NFIB: variants seen among roughly 807,000 people sequenced by gnomAD.
NFIB encodes nuclear factor 1 B-type.
Under a neutral mutation model 61.5 loss-of-function variants are expected in NFIB, and 11 were observed. The observed-to-expected ratio is 0.18, with a 90% CI of 0.11 to 0.30. The LOEUF (loss-of-function observed/expected upper bound fraction) is 0.30, where lower values mean the gene tolerates loss of function less well. Among genes scored for constraint, NFIB ranks in the 10% least tolerant of loss-of-function variants. NFIB has a pLI of 1.00. For missense variants in NFIB, 471 were observed against 608.9 expected, an observed-to-expected ratio of 0.77 and a Z score of 2.38; for synonymous variants, 260 against 216.5, an observed-to-expected ratio of 1.20 and a Z score of -1.76.
rs1463076776 is a variant in NFIB at position 14,087,919 on chromosome 9, G to C, written c.*390C>G. 1.2e-5 allele frequency: 3 copies of C among 244,288 alleles called. No homozygotes were observed. The highest frequency in any genetic ancestry group is 1.1e-4 in the Admixed American group (2 of 18,616). The allele number at this position is 244,288 out of a possible 1,614,324, so 15.1% of individuals were successfully genotyped here. On this transcript the variant is annotated 3_prime_UTR_variant, in exon 11 of 11. Coordinates refer to ENST00000380953, the MANE Select transcript of NFIB (RefSeq NM_001190737.2). ...GTCAGTTAAAATATATTGTCATAGAGACAGAACATCTATTTCCCAGCGGAC... is the reference window on the plus strand; with the variant it reads ...GTCAGTTAAAATATATTGTCATAGACACAGAACATCTATTTCCCAGCGGAC...
the NFIB span, among the ~76,000 whole-genome samples, chr9:14,516,492 T>C: frequency 1.8e-4 from 27 of 152,318 alleles, no homozygotes; most frequent in Non-Finnish European, 3.8e-4. Flanking sequence ...CTTGGTTCTT[T>C]CTGAAAAATT....
At chr9:14,456,075 A>T in the NFIB span, among the ~76,000 whole-genome samples, 1 of 152,306 alleles carries the variant, frequency 6.6e-6, no homozygotes, top group East Asian at 1.9e-4. Context: ...TTCCAAATGG[A>T]TCAAAGCATT....
At chr9:14,126,998 G>T (rs917624025) in intron 6 of NFIB, among the ~76,000 whole-genome samples, 2 of 152,160 alleles carry the variant, frequency 1.3e-5, no homozygotes, top group Admixed American at 6.5e-5. Context: ...GAATTGCAAA[G>T]GTGCTGTGAT....
chr9:14,207,191 G>A (rs1377850129), intron 2 of NFIB, among the ~76,000 whole-genome samples: 1 of 152,004 alleles, frequency 6.6e-6, no homozygotes, highest in African/African-American at 2.4e-5. Flanking sequence ...ACTAATAACT[G>A]AAAAAGCCAG....
chr9:14,227,506 G>A (rs761137851), intron 2 of NFIB, among the ~76,000 whole-genome samples: 1 of 152,154 alleles, frequency 6.6e-6, no homozygotes, highest in Admixed American at 6.5e-5. Flanking sequence ...TATGGAGAAA[G>A]GCACACCTAC....
At chr9:14,291,652 C>A (rs907734611) in intron 2 of NFIB, among the ~76,000 whole-genome samples, 5 of 151,894 alleles carry the variant, frequency 3.3e-5, no homozygotes, top group East Asian at 1.9e-4. Context: ...AAAAAAAATT[C>A]TTTAACTGAG....
chr9:14,342,211 A>G (rs1244888821), intron 1 of NFIB, among the ~76,000 whole-genome samples: 1 of 152,234 alleles, frequency 6.6e-6, no homozygotes, highest in Non-Finnish European at 1.5e-5. Context: ...ATAAGGGGGT[A>G]GAATAATGGA....
chr9:14,461,747 G>A, the NFIB span, among the ~76,000 whole-genome samples: 1 of 152,224 alleles, frequency 6.6e-6, no homozygotes, highest in Non-Finnish European at 1.5e-5. Context: ...AGGAGGCACA[G>A]AGATCTCAAA....
chr9:14,259,140 A>C (rs1287168005), intron 2 of NFIB, among the ~76,000 whole-genome samples: 2 of 152,224 alleles, frequency 1.3e-5, no homozygotes, highest in African/African-American at 4.8e-5. Flanking sequence ...CAACATTCAC[A>C]TCTCATTCAT....
At chr9:14,343,566 G>C (rs545390998) in intron 1 of NFIB, among the ~76,000 whole-genome samples, 1 of 152,326 alleles carries the variant, frequency 6.6e-6, no homozygotes, top group African/African-American at 2.4e-5. Context: ...GCTGGCTGCA[G>C]TCTGGATTCT....
chr9:14,283,413 T>C (rs1465415882), intron 2 of NFIB, among the ~76,000 whole-genome samples: 1 of 152,236 alleles, frequency 6.6e-6, no homozygotes, highest in Admixed American at 6.5e-5. Context: ...CCACTTTATC[T>C]TGGGGATCAA....
chr9:14,171,833 A>T (rs1236281147), intron 3 of NFIB, among the ~76,000 whole-genome samples: 1 of 152,226 alleles, frequency 6.6e-6, no homozygotes, highest in African/African-American at 2.4e-5. Flanking sequence ...CTAAATCATT[A>T]GGAGAGAGAG....
At chr9:14,337,379 C>A (rs2060897262) in intron 1 of NFIB, among the ~76,000 whole-genome samples, 1 of 152,034 alleles carries the variant, frequency 6.6e-6, no homozygotes, top group South Asian at 2.1e-4. Flanking sequence ...AACAGGCATA[C>A]AAAAGTGCTG....
intron 7 of NFIB, among the ~76,000 whole-genome samples, chr9:14,122,861 T>C (rs2039116208): frequency 6.6e-6 from 1 of 152,184 alleles, no homozygotes; most frequent in African/African-American, 2.4e-5. Context: ...GCATGAGCTG[T>C]AGGTGGCCTG....
At chr9:14,378,479 C>A (rs1317898413) in intron 1 of NFIB, among the ~76,000 whole-genome samples, 1 of 152,198 alleles carries the variant, frequency 6.6e-6, no homozygotes, top group East Asian at 1.9e-4. Context: ...GCCTCAGCCT[C>A]CTGAGTAGCT....
intron 1 of NFIB, among the ~76,000 whole-genome samples, chr9:14,328,019 C>A (rs1310210814): frequency 6.6e-6 from 1 of 152,214 alleles, no homozygotes; most frequent in Non-Finnish European, 1.5e-5. Flanking sequence ...CTTTTACCAA[C>A]TTTTTGTTCG....
chr9:14,526,388 C>G, the NFIB span, among the ~76,000 whole-genome samples: 7 of 152,248 alleles, frequency 4.6e-5, no homozygotes, highest in East Asian at 1.4e-3. Flanking sequence ...TTCCTGAGTA[C>G]TTTCTTTTCT....
At chr9:14,494,549 C>T in the NFIB span, among the ~76,000 whole-genome samples, 1 of 152,206 alleles carries the variant, frequency 6.6e-6, no homozygotes, top group African/African-American at 2.4e-5. Context: ...ATGTTACCAA[C>T]ATGGAGTGCT....
At chr9:14,417,372 C>T in the NFIB span, among the ~76,000 whole-genome samples, 2 of 152,146 alleles carry the variant, frequency 1.3e-5, no homozygotes, top group Admixed American at 6.5e-5. Flanking sequence ...GCAGGCTACA[C>T]CATCTGGGTT....
Sources: allele counts gnomAD v4.1 joint callset (sites outside exome capture counted in the v4.1 genomes callset), GRCh38; gene constraint gnomAD v4.1.1; transcripts MANE v1.5; gene names NCBI Gene and HGNC (gene_info 2026-07-23, HGNC 2026-07-21).